CNTN5: variants seen among roughly 807,000 people sequenced by gnomAD.
CNTN5 encodes the protein contactin-5.
In CNTN5, 77 loss-of-function variants were observed where a neutral mutation model predicts 129.1. That is an observed-to-expected ratio of 0.60 (90% confidence interval 0.50 to 0.72). The LOEUF is 0.72. Among genes scored for constraint, CNTN5 ranks in the 30% least tolerant of loss-of-function variants. CNTN5 has a pLI of 0.00. For synonymous variants in CNTN5, 509 were observed against 465.6 expected (o/e 1.09, Z -1.20); for missense variants, 1,478 against 1,328.8 (o/e 1.11, Z -1.75).
intron 2 of CNTN5, among the ~76,000 whole-genome samples, chr11:99,331,610 A>G (rs1866001718): frequency 6.6e-6 from 1 of 152,180 alleles, no homozygotes; most frequent in Non-Finnish European, 1.5e-5. Flanking sequence ...AATAATAATA[A>G]AAGAAAATAT....
chr11:100,338,621 T>G (rs1330814274), intron 21 of CNTN5, among the ~76,000 whole-genome samples: 1 of 152,182 alleles, frequency 6.6e-6, no homozygotes, highest in Non-Finnish European at 1.5e-5. Flanking sequence ...GTGACCCCAT[T>G]TACTCGGCCT....
chr11:99,033,741 C>A lies in CNTN5; in HGVS notation c.-210+12471C>A, dbSNP rs1288315094. Among the ~76,000 whole-genome samples the A allele has an allele frequency of 5.3e-5, 8 of 152,104 alleles. No homozygotes were observed. The East Asian group carries it at 1.4e-3, about 26-fold the overall frequency. On this transcript the variant is annotated intron_variant, in intron 1 of 24. Transcript: ENST00000524871. ...AGGGACAATTTGACTTCCTCTTTTC[C>A]TAATTGAATACCCTTTATTTCCTTC...
intron 1 of CNTN5, among the ~76,000 whole-genome samples, chr11:99,087,484 T>C (rs528942152): frequency 6.6e-6 from 1 of 152,310 alleles, no homozygotes; most frequent in South Asian, 2.1e-4. Flanking sequence ...TGAGGACTCT[T>C]AGATGACAAA....
chr11:99,981,247 C>T (rs999908859), intron 8 of CNTN5, among the ~76,000 whole-genome samples: 2 of 151,858 alleles, frequency 1.3e-5, no homozygotes, highest in African/African-American at 4.8e-5. Context: ...AGTCCAAAGG[C>T]CTCAGAACCC....
At chr11:100,077,544 AG>A (rs1158768406) in intron 13 of CNTN5, among the ~76,000 whole-genome samples, 1 of 152,074 alleles carries the variant, frequency 6.6e-6, no homozygotes, top group Non-Finnish European at 1.5e-5. Context: ...CATTCAGGCC[AG>A]GTACAGTTCT....
At chr11:99,485,202 A>T (rs969132913) in intron 2 of CNTN5, among the ~76,000 whole-genome samples, 1 of 149,884 alleles carries the variant, frequency 6.7e-6, no homozygotes, top group African/African-American at 2.5e-5. Context: ...TCAATGAAAC[A>T]TTTTTGAAAA....
intron 8 of CNTN5, among the ~76,000 whole-genome samples, chr11:99,962,348 C>T (rs887076353): frequency 4.0e-5 from 6 of 148,642 alleles, no homozygotes; most frequent in Admixed American, 6.9e-5. Flanking sequence ...AGATGTACCC[C>T]GTCCTGTGTC....
At chr11:99,300,724 T>C (rs1864598335) in intron 1 of CNTN5, among the ~76,000 whole-genome samples, 1 of 151,788 alleles carries the variant, frequency 6.6e-6, no homozygotes, top group Admixed American at 6.6e-5. Flanking sequence ...CCTACAAAAA[T>C]AGTAAAGAGA....
chr11:99,141,876 G>A lies in CNTN5; in HGVS notation c.-210+120606G>A, dbSNP rs563326309. On this transcript the variant is annotated intron_variant, in intron 1 of 24. Transcript: ENST00000524871. ...CCAAATGTGTAGTTGGTATGATTTC[G>A]ATTTCTTTGAATTTGTTGAGAATTG... is the stretch of plus-strand genomic sequence containing the variant. 2.6e-5 allele frequency among the ~76,000 whole-genome samples: 4 copies of A among 152,186 alleles called. No homozygotes were observed. The South Asian group carries it at 6.2e-4, about 24-fold the overall frequency.
At chr11:99,847,461 A>G (rs982899324) in intron 6 of CNTN5, among the ~76,000 whole-genome samples, 6 of 152,202 alleles carry the variant, frequency 3.9e-5, no homozygotes, top group African/African-American at 1.4e-4. Context: ...TTATGGGCTT[A>G]CATAGGTATT....
intron 18 of CNTN5, among the ~76,000 whole-genome samples, chr11:100,273,433 G>C (rs932467755): frequency 2.6e-5 from 4 of 152,226 alleles, no homozygotes; most frequent in African/African-American, 7.2e-5. Flanking sequence ...AACCACCGTT[G>C]CAGACAGAGT....
chr11:99,929,838 C>T (rs999925929), intron 7 of CNTN5, among the ~76,000 whole-genome samples: 7 of 152,052 alleles, frequency 4.6e-5, no homozygotes, highest in Non-Finnish European at 8.8e-5. Flanking sequence ...TGAACAGGGT[C>T]CTTGGTCCTC....
chr11:100,270,019 CT>C (rs1380297311), intron 17 of CNTN5, among the ~76,000 whole-genome samples: 1 of 152,200 alleles, frequency 6.6e-6, no homozygotes, highest in African/African-American at 2.4e-5. Flanking sequence ...TCCAAGCGTA[CT>C]GCTCAGTTGC....
chr11:99,454,071 A>T (rs1442231545), intron 2 of CNTN5, among the ~76,000 whole-genome samples: 1 of 152,220 alleles, frequency 6.6e-6, no homozygotes, highest in African/African-American at 2.4e-5. Flanking sequence ...TGCTAAGATT[A>T]ATAGATAACA....
intron 1 of CNTN5, among the ~76,000 whole-genome samples, chr11:99,207,531 T>C (rs555273221): frequency 6.6e-6 from 1 of 152,288 alleles, no homozygotes; most frequent in East Asian, 1.9e-4. Context: ...TCCAAATACA[T>C]AGGTAACATC....
At chr11:99,176,262 A>G (rs928370986) in intron 1 of CNTN5, among the ~76,000 whole-genome samples, 4 of 151,916 alleles carry the variant, frequency 2.6e-5, no homozygotes, top group African/African-American at 7.3e-5. Flanking sequence ...CCGAGAGGTT[A>G]AGAGACATTG....
chr11:100,181,816 G>A (rs1948146614), intron 13 of CNTN5, among the ~76,000 whole-genome samples: 1 of 151,872 alleles, frequency 6.6e-6, no homozygotes, highest in Admixed American at 6.6e-5. Context: ...AGATGTCTAA[G>A]ATCTATAGAC....
rs535719187 is a variant in CNTN5 at position 99,022,672 on chromosome 11, A to G, written c.-210+1402A>G. 3.7e-3 allele frequency among the ~76,000 whole-genome samples: 566 copies of G among 152,176 alleles called. 4 individuals are homozygous for G. The highest frequency in any genetic ancestry group is 0.013 in the African/African-American group (535 of 41,508). ...TTACATAAAAAGATCATCTAAGTCC[A>G]TTAAAGGGAAAAAGGCAAAAAAAAT... On this transcript the variant is annotated intron_variant, in intron 1 of 24. Coordinates refer to ENST00000524871, the MANE Select transcript of CNTN5 (RefSeq NM_014361.4).
chr11:99,739,176 T>C (rs2135147860), intron 3 of CNTN5, among the ~76,000 whole-genome samples: 1 of 152,288 alleles, frequency 6.6e-6, no homozygotes, highest in African/African-American at 2.4e-5. Flanking sequence ...AGCATAATTG[T>C]TATTCCCTTA....
Sources: allele counts gnomAD v4.1 joint callset (sites outside exome capture counted in the v4.1 genomes callset), GRCh38; gene constraint gnomAD v4.1.1; transcripts MANE v1.5; gene names NCBI Gene and HGNC (gene_info 2026-07-23, HGNC 2026-07-21).